The following CACNB4 variants were observed in gnomAD, a reference collection of about 807,000 sequenced individuals.
CACNB4 encodes the protein voltage-dependent L-type calcium channel subunit beta-4.
CACNB4 carries 32 observed loss-of-function variants against 71.2 expected under a neutral mutation model. The ratio of observed to expected loss-of-function variants is 0.45; its 90% CI spans 0.34 to 0.60. CACNB4 has a LOEUF of 0.60. Among genes scored for constraint, CACNB4 ranks in the 20% least tolerant of loss-of-function variants. The pLI, the probability that CACNB4 is intolerant of heterozygous loss-of-function variation, is 0.01. For synonymous variants in CACNB4, 231 were observed against 236.9 expected, an observed-to-expected ratio of 0.97 and a Z score of 0.23; for missense variants, 464 against 647.9, an observed-to-expected ratio of 0.72 and a Z score of 3.08.
chr2:152,069,503 C>CTTTTTT (rs34430081), intron 2 of CACNB4, among the ~76,000 whole-genome samples: 3 of 128,920 alleles, frequency 2.3e-5, no homozygotes, highest in African/African-American at 8.5e-5. Flanking sequence ...AAGAACACGC[C>CTTTTTT]TTTTTTTTTT....
intron 2 of CACNB4, among the ~76,000 whole-genome samples, chr2:151,913,358 C>T (rs1349536979): frequency 6.6e-6 from 1 of 152,184 alleles, no homozygotes; most frequent in Admixed American, 6.5e-5. Flanking sequence ...CAGGGCAGGA[C>T]TGGGGGTAAC....
At position 152,031,907 on chromosome 2, in the gene CACNB4, G is replaced by A. The variant is rs185481255; in HGVS notation, c.147+66423C>T. ...TTAGGCTCTCTAAAAGGGAAGCACC[G>A]TGCTGACAGTCTTGCCAAGCCAAGG... On this transcript the variant is annotated intron_variant, in intron 2 of 13. Transcript: ENST00000539935. Among the ~76,000 whole-genome samples the A allele has an allele frequency of 3.5e-4, 54 of 152,268 alleles. 1 individual carries two copies. The East Asian group carries it at 7.7e-3, about 22-fold the overall frequency.
chr2:151,872,501 A>G lies in CACNB4; in HGVS notation c.522-8T>C, dbSNP rs1158889719. The G allele has an allele frequency of 2.6e-6, 4 of 1,523,090 alleles. No individual in the cohort carries two copies. In the South Asian group the frequency reaches 4.5e-5, roughly 17 times the overall value. 94.3% of individuals were successfully genotyped at this position (1,523,090 alleles called of 1,614,324 possible). A position where few individuals can be genotyped will look rare whatever the true frequency, so the allele number is the denominator to read the frequency against. Reference sequence around the variant, plus strand: ...GAATTTCCACTTGATTTCCTAGGATATAGAAAAGGAACTAAAGACTCACTC... The same window carrying G: ...GAATTTCCACTTGATTTCCTAGGATGTAGAAAAGGAACTAAAGACTCACTC... On this transcript the variant is annotated splice_polypyrimidine_tract_variant and splice_region_variant and intron_variant, in intron 5 of 13. Coordinates refer to ENST00000539935, the MANE Select transcript of CACNB4 (RefSeq NM_000726.5).
chr2:151,990,932 A>T (rs1681672671), intron 2 of CACNB4, among the ~76,000 whole-genome samples: 1 of 152,128 alleles, frequency 6.6e-6, no homozygotes, highest in South Asian at 2.1e-4. Context: ...TGATTGGGAG[A>T]TGGTGAATTG....
chr2:151,917,828 C>A (rs1173333450), intron 2 of CACNB4, among the ~76,000 whole-genome samples: 1 of 81,956 alleles, frequency 1.2e-5, no homozygotes, highest in Non-Finnish European at 2.3e-5. Flanking sequence ...AAGTGAGACA[C>A]TGTCTCAAAA....
chr2:151,872,984 C>T (rs371922451), intron 5 of CACNB4: 10 of 152,438 alleles, frequency 6.6e-5, no homozygotes, highest in African/African-American at 1.9e-4. Context: ...CAGGTGTGCT[C>T]TGGAAGCTTC....
At chr2:151,863,586 A>C (rs1389788444) in intron 9 of CACNB4, among the ~76,000 whole-genome samples, 1 of 152,178 alleles carries the variant, frequency 6.6e-6, no homozygotes, top group East Asian at 1.9e-4. Context: ...TCCTTTAGTG[A>C]AAATAAAATT....
At chr2:152,015,543 C>T (rs990588290) in intron 2 of CACNB4, among the ~76,000 whole-genome samples, 2 of 152,170 alleles carry the variant, frequency 1.3e-5, no homozygotes, top group Non-Finnish European at 1.5e-5. Context: ...ATTCTATTTA[C>T]CTAACCAATG....
chr2:151,985,346 T>G (rs1206735539), intron 2 of CACNB4, among the ~76,000 whole-genome samples: 2 of 152,228 alleles, frequency 1.3e-5, no homozygotes, highest in Non-Finnish European at 2.9e-5. Flanking sequence ...TACAAACTAT[T>G]GCACCATATA....
At chr2:152,046,353 G>T (rs935459528) in intron 2 of CACNB4, among the ~76,000 whole-genome samples, 1 of 152,098 alleles carries the variant, frequency 6.6e-6, no homozygotes, top group African/African-American at 2.4e-5. Context: ...GGTAAAAAGA[G>T]GTTAAATTAC....
At chr2:151,901,018 C>T (rs1213264990) in intron 2 of CACNB4, among the ~76,000 whole-genome samples, 3 of 116,274 alleles carry the variant, frequency 2.6e-5, no homozygotes, top group East Asian at 2.4e-4. Context: ...TTTTGAGATA[C>T]GGTCTCATTC....
chr2:151,986,409 G>A (rs1017403930), intron 2 of CACNB4, among the ~76,000 whole-genome samples: 2 of 152,128 alleles, frequency 1.3e-5, no homozygotes, highest in African/African-American at 4.8e-5. Context: ...AGTGATAAGT[G>A]TTCATATTAT....
intron 2 of CACNB4, chr2:151,936,503 T>C (rs181911696): frequency 1.3e-5 from 2 of 152,344 alleles, no homozygotes; most frequent in African/African-American, 4.8e-5. Flanking sequence ...CTACAAAGAA[T>C]AGTAAAAGGC....
At chr2:152,014,422 C>CAGGGATTATTGCAATT (rs1483914160) in intron 2 of CACNB4, among the ~76,000 whole-genome samples, 5 of 151,974 alleles carry the variant, frequency 3.3e-5, no homozygotes, top group Admixed American at 3.3e-4. Context: ...AGATAATTTG[C>CAGGGATTATTGCAATT]GTAGAATCTA....
intron 2 of CACNB4, among the ~76,000 whole-genome samples, chr2:151,926,608 A>T (rs1213613539): frequency 6.6e-6 from 1 of 152,250 alleles, no homozygotes; most frequent in Non-Finnish European, 1.5e-5. Context: ...CTCCTCCCTA[A>T]TGCAGCATTT....
intron 2 of CACNB4, among the ~76,000 whole-genome samples, chr2:152,089,643 C>G (rs1687856910): frequency 6.6e-6 from 1 of 152,112 alleles, no homozygotes; most frequent in Non-Finnish European, 1.5e-5. Flanking sequence ...GCTTAAAAAG[C>G]ATGCAAAGCC....
intron 11 of CACNB4, 77 bp from the exon 12 acceptor site, chr2:151,853,620 G>A: frequency 2.5e-6 from 2 of 785,036 alleles, no homozygotes; most frequent in East Asian, 5.5e-5. Flanking sequence ...TCTTTTTAAT[G>A]GTCTGCTTGG....
intron 2 of CACNB4, among the ~76,000 whole-genome samples, chr2:151,894,237 G>T (rs1358888837): frequency 6.6e-6 from 1 of 152,152 alleles, no homozygotes; most frequent in African/African-American, 2.4e-5. Flanking sequence ...TATCACGTGG[G>T]ATTTATCAAG....
chr2:151,899,128 A>T (rs1335767459), intron 2 of CACNB4, among the ~76,000 whole-genome samples: 1 of 152,216 alleles, frequency 6.6e-6, no homozygotes, highest in Admixed American at 6.5e-5. Context: ...ACTGGAGGAG[A>T]GAGGAGGCCC....
Sources: allele counts gnomAD v4.1 joint callset (sites outside exome capture counted in the v4.1 genomes callset), GRCh38; gene constraint gnomAD v4.1.1; transcripts MANE v1.5; gene names NCBI Gene and HGNC (gene_info 2026-07-23, HGNC 2026-07-21).